The following LRRC4C variants were observed in gnomAD, a reference collection of about 807,000 sequenced individuals.
LRRC4C encodes the protein leucine rich repeat containing 4C.
LRRC4C carries 5 observed loss-of-function variants against 33.6 expected under a neutral mutation model. The ratio of observed to expected loss-of-function variants is 0.15; its 90% CI spans 0.08 to 0.31. The LOEUF (loss-of-function observed/expected upper bound fraction) is 0.31. LRRC4C is among the 10% of genes least tolerant of loss of function. LRRC4C has a pLI of 1.00. For missense variants in LRRC4C, 560 were observed against 796.7 expected, an observed-to-expected ratio of 0.70 and a Z score of 3.58; for synonymous variants, 329 against 302.0, an observed-to-expected ratio of 1.09 and a Z score of -0.93.
intron 2 of LRRC4C, among the ~76,000 whole-genome samples, chr11:40,870,279 G>A (rs1954569773): frequency 6.6e-6 from 1 of 152,122 alleles, no homozygotes; most frequent in Non-Finnish European, 1.5e-5. Context: ...ACTTATCAAT[G>A]TTTCACTGTG....
chr11:41,289,848 C>T (rs1949941572), intron 1 of LRRC4C, among the ~76,000 whole-genome samples: 1 of 152,110 alleles, frequency 6.6e-6, no homozygotes, highest in Non-Finnish European at 1.5e-5. Context: ...CAGGCAAATG[C>T]ATAAAAATGG....
intron 2 of LRRC4C, among the ~76,000 whole-genome samples, chr11:40,914,647 A>G (rs1592079120): frequency 6.6e-6 from 1 of 152,358 alleles, no homozygotes; most frequent in East Asian, 1.9e-4. Context: ...CAAGACAGGG[A>G]TGCCCTCTCT....
chr11:40,715,348 A>C lies in LRRC4C; in HGVS notation c.-406-67070T>G, dbSNP rs147039110. The stretch of plus-strand genomic sequence containing the variant: ...AAATTCATAAAGACAATAAAATGCC[A>C]TTTCAATTCAGCAAATCCTCAAAGT... On this transcript the variant is annotated intron_variant, in intron 2 of 6. Coordinates refer to ENST00000528697, the MANE Select transcript of LRRC4C (RefSeq NM_001258419.2). Among the ~76,000 whole-genome samples, 543 of 152,342 alleles carry C rather than the reference A, an allele frequency of 3.6e-3. 4 individuals carry two copies. Among genetic ancestry groups the C allele is most frequent in the African/African-American group, 0.013 (521 of 41,586 alleles).
chr11:40,591,945 C>T (rs1417487008), intron 3 of LRRC4C, among the ~76,000 whole-genome samples: 5 of 152,210 alleles, frequency 3.3e-5, no homozygotes, highest in Non-Finnish European at 7.3e-5. Flanking sequence ...ACTTTTGCGT[C>T]TATCCTATAA....
At position 41,254,822 on chromosome 11, in the gene LRRC4C, C is replaced by T. The variant is rs186077694; in HGVS notation, c.-496+204609G>A. 2.2e-3 allele frequency among the ~76,000 whole-genome samples: 329 copies of T among 152,126 alleles called. 2 individuals are homozygous for T. The highest frequency in any genetic ancestry group is 7.6e-3 in the African/African-American group (315 of 41,540). On this transcript the variant is annotated intron_variant, in intron 1 of 6. Coordinates refer to ENST00000528697, the MANE Select transcript of LRRC4C (RefSeq NM_001258419.2). ...GCTTTTTAATTTAAAATGCTTCTAA[C>T]CATTCTTGCTTTGCTTCAGTGGACT...
chr11:40,402,564 T>C (rs1949800723), intron 3 of LRRC4C, among the ~76,000 whole-genome samples: 3 of 152,088 alleles, frequency 2.0e-5, no homozygotes, highest in South Asian at 2.1e-4. Context: ...ATGAATTCAC[T>C]TGGGCAAATG....
At chr11:41,449,484 G>A (rs967132610) in intron 1 of LRRC4C, among the ~76,000 whole-genome samples, 4 of 152,054 alleles carry the variant, frequency 2.6e-5, no homozygotes, top group Non-Finnish European at 5.9e-5. Context: ...AAAAAAAAAT[G>A]TCCCTATATT....
intron 1 of LRRC4C, among the ~76,000 whole-genome samples, chr11:41,268,320 A>G (rs908912113): frequency 1.3e-5 from 2 of 152,076 alleles, no homozygotes; most frequent in African/African-American, 4.8e-5. Flanking sequence ...GCCCTGGGCA[A>G]CACCTTGATC....
intron 3 of LRRC4C, among the ~76,000 whole-genome samples, chr11:40,571,573 T>G (rs1419117284): frequency 6.6e-6 from 1 of 152,178 alleles, no homozygotes; most frequent in Non-Finnish European, 1.5e-5. Flanking sequence ...CTGAAACACA[T>G]GACTCCTGAC....
chr11:41,183,624 C>T (rs1415086017), intron 1 of LRRC4C, among the ~76,000 whole-genome samples: 1 of 152,138 alleles, frequency 6.6e-6, no homozygotes, highest in Non-Finnish European at 1.5e-5. Context: ...CTTTCACAAG[C>T]TGGTGTTGTG....
intron 3 of LRRC4C, among the ~76,000 whole-genome samples, chr11:40,559,191 T>G (rs2135493718): frequency 6.6e-6 from 1 of 151,194 alleles, no homozygotes; most frequent in South Asian, 2.1e-4. Context: ...CTTTTTTTTT[T>G]TTTTTTTTTC....
intron 3 of LRRC4C, among the ~76,000 whole-genome samples, chr11:40,407,583 T>C (rs1950007047): frequency 6.6e-6 from 1 of 152,076 alleles, no homozygotes; most frequent in Non-Finnish European, 1.5e-5. Flanking sequence ...ATAGATATAT[T>C]ATAGGCAAAG....
chr11:41,224,137 TA>T (rs1227580984), intron 1 of LRRC4C, among the ~76,000 whole-genome samples: 4 of 152,114 alleles, frequency 2.6e-5, no homozygotes, highest in Admixed American at 6.6e-5. Flanking sequence ...AAAGAGAAGA[TA>T]AAACACTTAA....
chr11:40,593,395 T>C (rs763993705), intron 3 of LRRC4C, among the ~76,000 whole-genome samples: 1 of 152,214 alleles, frequency 6.6e-6, no homozygotes, highest in African/African-American at 2.4e-5. Flanking sequence ...GTGCACAATT[T>C]ATATATGTAT....
intron 1 of LRRC4C, among the ~76,000 whole-genome samples, chr11:41,309,693 C>G (rs1425114397): frequency 6.6e-6 from 1 of 152,184 alleles, no homozygotes; most frequent in Non-Finnish European, 1.5e-5. Context: ...TAATCTTCCA[C>G]AGCAGTTGTT....
At chr11:40,138,578 C>A (rs1565039447) in intron 6 of LRRC4C, among the ~76,000 whole-genome samples, 1 of 152,192 alleles carries the variant, frequency 6.6e-6, no homozygotes, top group Non-Finnish European at 1.5e-5. Flanking sequence ...GGCTTTACAG[C>A]CACTCTGTGG....
At chr11:40,241,725 T>A (rs1332660928) in intron 4 of LRRC4C, 127 bp from the exon 5 acceptor site, 1 of 152,118 alleles carries the variant, frequency 6.6e-6, no homozygotes, top group Non-Finnish European at 1.5e-5. Context: ...CACAAGAAGA[T>A]GAAAAGATTT....
chr11:41,371,608 T>C (rs1411031945), intron 1 of LRRC4C, among the ~76,000 whole-genome samples: 2 of 152,182 alleles, frequency 1.3e-5, no homozygotes, highest in African/African-American at 4.8e-5. Flanking sequence ...GATTATCAAA[T>C]GGGGATAGTT....
chr11:40,165,389 C>CTATGTT (rs1230427793), intron 5 of LRRC4C, among the ~76,000 whole-genome samples: 1 of 151,798 alleles, frequency 6.6e-6, no homozygotes, highest in African/African-American at 2.4e-5. Context: ...GTGTATGTGT[C>CTATGTT]TATGTTTATG....
Sources: gnomAD v4.1 joint callset for allele counts (sites outside exome capture counted in the v4.1 genomes callset) on GRCh38, gnomAD v4.1.1 for gene constraint, MANE v1.5 for transcripts, NCBI Gene and HGNC (gene_info 2026-07-23, HGNC 2026-07-21) for gene names.